Variants in LHFPL3 observed in about 807,000 individuals in gnomAD.
LHFPL3 encodes the protein LHFPL tetraspan subfamily member 3.
A neutral mutation model predicts 19.3 loss-of-function variants in LHFPL3; 5 were observed. That is an observed-to-expected ratio of 0.26 (90% CI 0.14 to 0.54). The LOEUF is 0.54. LHFPL3 is among the 20% of genes least tolerant of loss of function. The pLI is 0.94. For missense variants in LHFPL3, 249 were observed against 307.4 expected (o/e 0.81, Z 1.42); for synonymous variants, 133 against 126.2 (o/e 1.05, Z -0.36).
chr7:104,459,614 AAC>A (rs1156860330), intron 1 of LHFPL3, among the ~76,000 whole-genome samples: 1 of 152,188 alleles, frequency 6.6e-6, no homozygotes, highest in East Asian at 1.9e-4. Flanking sequence ...CTAGCTGTGT[AAC>A]ACATCACTCA....
intron 2 of LHFPL3, among the ~76,000 whole-genome samples, chr7:104,839,135 G>C (rs766968435): frequency 8.5e-5 from 13 of 152,208 alleles, no homozygotes; most frequent in Non-Finnish European, 1.6e-4. Context: ...GTCAAGGAGA[G>C]AGAAATTTCC....
rs71155514 is a variant in LHFPL3 at position 104,666,512 on chromosome 7, CTTTTTTTT to C, written c.446-70143_446-70136del. ...TTGCTGAAAATGACAGGATTTCATT[CTTTTTTTT>C]TTTTTTTTTTTTTTTTTTTGAGACG... On this transcript the variant is annotated intron_variant, in intron 1 of 2. Coordinates refer to ENST00000424859, the MANE Select transcript of LHFPL3 (RefSeq NM_199000.3). Among the ~76,000 whole-genome samples the C allele has an allele frequency of 4.5e-4, 19 of 42,234 alleles. 1 individual carries two copies. Among genetic ancestry groups the C allele is most frequent in the South Asian group, 2.7e-3 (2 of 730 alleles). 27.7% of individuals were successfully genotyped at this position (42,234 alleles called of 152,430 possible).
At chr7:104,548,072 G>C (rs1025791472) in intron 1 of LHFPL3, among the ~76,000 whole-genome samples, 5 of 152,052 alleles carry the variant, frequency 3.3e-5, no homozygotes, top group Admixed American at 2.6e-4. Flanking sequence ...AAGATTAAAA[G>C]CTGGATACAT....
chr7:104,374,117 G>A (rs1052341981), intron 1 of LHFPL3, among the ~76,000 whole-genome samples: 1 of 151,968 alleles, frequency 6.6e-6, no homozygotes, highest in Non-Finnish European at 1.5e-5. Flanking sequence ...AAAAATCAGA[G>A]CTTAGTCCTC....
intron 1 of LHFPL3, among the ~76,000 whole-genome samples, chr7:104,568,280 C>G (rs1264012199): frequency 6.6e-6 from 1 of 152,226 alleles, no homozygotes; most frequent in African/African-American, 2.4e-5. Context: ...AGTTAAGCTT[C>G]TAATGCTATG....
intron 1 of LHFPL3, among the ~76,000 whole-genome samples, chr7:104,726,800 CATGT>C (rs775848524): frequency 1.3e-5 from 2 of 152,142 alleles, no homozygotes; most frequent in Admixed American, 6.5e-5. Context: ...CATATGCATG[CATGT>C]GTCTTTATAA....
chr7:104,509,881 G>A (rs1446764762), intron 1 of LHFPL3, among the ~76,000 whole-genome samples: 1 of 151,824 alleles, frequency 6.6e-6, no homozygotes, highest in Non-Finnish European at 1.5e-5. Flanking sequence ...ACTAACATAA[G>A]GTCTACAAGT....
In LHFPL3 at chr7:104,494,469, CT is replaced by C. The variant is rs562084583; in HGVS notation, c.445+165246del. 2.6e-4 allele frequency among the ~76,000 whole-genome samples: 39 copies of C among 152,194 alleles called. No individual in the cohort carries two copies. In the South Asian group the frequency reaches 3.9e-3, roughly 15 times the overall value. On this transcript the variant is annotated intron_variant, in intron 1 of 2. Transcript: ENST00000424859. The stretch of plus-strand genomic sequence containing the variant: ...AATTATGTTCCTTTTGCTGAGATCT[CT>C]CCTCTCATTTTCACATGTTTACATC...
At chr7:104,584,458 T>C (rs928776102) in intron 1 of LHFPL3, among the ~76,000 whole-genome samples, 66 of 152,192 alleles carry the variant, frequency 4.3e-4, no homozygotes, top group African/African-American at 1.6e-3. Context: ...TAAAGTATAA[T>C]AATAATAAAA....
At chr7:104,478,444 G>GC (rs1654517656) in intron 1 of LHFPL3, among the ~76,000 whole-genome samples, 1 of 151,988 alleles carries the variant, frequency 6.6e-6, no homozygotes, top group African/African-American at 2.4e-5. Flanking sequence ...TCTCTCCACC[G>GC]CTCCATTCAC....
chr7:104,451,092 A>T (rs918069750), intron 1 of LHFPL3, among the ~76,000 whole-genome samples: 1 of 152,140 alleles, frequency 6.6e-6, no homozygotes, highest in Non-Finnish European at 1.5e-5. Context: ...CCTAAAACCA[A>T]CTGAGACTAG....
chr7:104,569,654 T>G (rs1790189535), intron 1 of LHFPL3, among the ~76,000 whole-genome samples: 1 of 152,238 alleles, frequency 6.6e-6, no homozygotes, highest in African/African-American at 2.4e-5. Context: ...TAATATATTC[T>G]TAATGATGGC....
At chr7:104,340,079 G>A (rs1584598072) in intron 1 of LHFPL3, among the ~76,000 whole-genome samples, 3 of 152,164 alleles carry the variant, frequency 2.0e-5, no homozygotes, top group African/African-American at 4.8e-5. Context: ...GTCAATATTT[G>A]CATCTTGACC....
At chr7:104,385,610 C>G (rs1403930963) in intron 1 of LHFPL3, among the ~76,000 whole-genome samples, 2 of 152,156 alleles carry the variant, frequency 1.3e-5, no homozygotes, top group Non-Finnish European at 2.9e-5. Context: ...CATGGGTATT[C>G]ATCACTTGTG....
intron 1 of LHFPL3, among the ~76,000 whole-genome samples, chr7:104,433,292 A>G (rs935515527): frequency 6.6e-6 from 1 of 152,214 alleles, no homozygotes; most frequent in African/African-American, 2.4e-5. Flanking sequence ...AATAAGTGTG[A>G]AAAAGGTAAA....
At chr7:104,446,001 G>A (rs141418047) in intron 1 of LHFPL3, among the ~76,000 whole-genome samples, 7 of 152,094 alleles carry the variant, frequency 4.6e-5, no homozygotes, top group African/African-American at 9.7e-5. Context: ...TGTTCTTATC[G>A]ACAGGAAGGT....
chr7:104,510,658 C>A (rs763270315), intron 1 of LHFPL3, among the ~76,000 whole-genome samples: 62 of 152,090 alleles, frequency 4.1e-4, no homozygotes, highest in Non-Finnish European at 7.1e-4. Flanking sequence ...ATAAAAAACA[C>A]AGTGCATAAA....
At chr7:104,886,972 G>A (rs969554913) in intron 2 of LHFPL3, among the ~76,000 whole-genome samples, 1 of 152,214 alleles carries the variant, frequency 6.6e-6, no homozygotes, top group African/African-American at 2.4e-5. Flanking sequence ...GCTTCACAAA[G>A]AGGCTCACTT....
intron 1 of LHFPL3, among the ~76,000 whole-genome samples, chr7:104,628,149 C>T (rs983989370): frequency 3.3e-5 from 5 of 152,122 alleles, no homozygotes; most frequent in African/African-American, 9.7e-5. Flanking sequence ...GACAGCTGTT[C>T]TCATGTCCAC....
Sources: allele counts gnomAD v4.1 joint callset (sites outside exome capture counted in the v4.1 genomes callset), GRCh38; gene constraint gnomAD v4.1.1; transcripts MANE v1.5; gene names NCBI Gene and HGNC (gene_info 2026-07-23, HGNC 2026-07-21).